Variants in TRIP12 observed in about 807,000 individuals in gnomAD.
TRIP12 encodes the protein E3 ubiquitin-protein ligase TRIP12.
A neutral mutation model predicts 244.2 loss-of-function variants in TRIP12; 25 were observed. That is an observed-to-expected ratio of 0.10 (90% CI 0.07 to 0.14). TRIP12 has a LOEUF of 0.14. Ranked by LOEUF, TRIP12 falls within the 10% of genes least tolerant of loss-of-function variation. The pLI, the probability that TRIP12 is intolerant of heterozygous loss-of-function variation, is 1.00. For synonymous variants in TRIP12, 905 were observed against 873.1 expected (o/e 1.04, Z -0.64); for missense variants, 1,677 against 2,486.4 (o/e 0.67, Z 6.92).
In TRIP12 at chr2:229,767,955, T is replaced by C. The variant is rs143865990; in HGVS notation, c.6008-205A>G. The stretch of plus-strand genomic sequence containing the variant: ...CGCTGTATAACATGGAGGCAACAGT[T>C]CTTTATGTCTTCTGATTTTTAAAAT... On this transcript the variant is annotated intron_variant, in intron 41 of 41. Transcript: ENST00000675903. Among the ~76,000 whole-genome samples the C allele has an allele frequency of 4.3e-4, 66 of 152,334 alleles. 1 individual carries two copies. Among genetic ancestry groups the C allele is most frequent in the Non-Finnish European group, 6.5e-4 (44 of 68,024 alleles).
At chr2:229,830,652 T>C (rs1160623023) in intron 7 of TRIP12, 104 bp downstream of exon 7, 1 of 1,196,044 alleles carries the variant, frequency 8.4e-7, no homozygotes, top group African/African-American at 1.5e-5. Flanking sequence ...CAGGCACTGC[T>C]AGATTATGGT....
rs1379374866 is a variant in TRIP12, at chr2:229,795,195, T to C, written c.3952A>G (p.Asn1318Asp). Residue 1318 changes from asparagine (N) to aspartate (D), a missense_variant, in exon 26 of 42, where the codon AAT (asparagine) becomes GAT (aspartate). Asn to Asp is a conservative substitution (Grantham distance 23). Transcript: ENST00000675903. ...PVKVHDFPSG[N>D]GTGGSFSLNR... ...GGTCCTTACCTGCCTCCTGTCCCAT[T>C]TCCACTAGGGAAATCATGTACTTTG... The C allele has an allele frequency of 3.1e-6, 5 of 1,613,770 alleles. No individual in the cohort carries two copies. Among genetic ancestry groups the C allele is most frequent in the Non-Finnish European group, 4.2e-6 (5 of 1,179,866 alleles).
Position 229,767,650 on chromosome 2 carries a change from G to A in TRIP12, c.6108C>T (p.Asn2036=), listed in dbSNP as rs1290860155. Residue 2036 remains asparagine, a synonymous_variant, in exon 42 of 42, where the codon AAC becomes AAT. Coordinates refer to ENST00000675903, the MANE Select transcript of TRIP12 (RefSeq NM_001348323.3). ...TTGAATAGTCCGGCAACTTAAGATA[G>A]TTCACACAAGTCATTACAGAGGGCA... ...DFLPSVMTCV[N]YLKLPDYSSI... is the part of the protein sequence containing the mutation. The A allele has an allele frequency of 6.2e-7, 1 of 1,614,138 alleles. No homozygotes were observed. The highest frequency in any genetic ancestry group is 8.5e-7 in the Non-Finnish European group (1 of 1,180,026).
intron 23 of TRIP12, among the ~76,000 whole-genome samples, chr2:229,798,634 TATAA>T (rs2043417715): frequency 6.6e-6 from 1 of 152,196 alleles, no homozygotes; most frequent in Non-Finnish European, 1.5e-5. Context: ...GTTTTGAACG[TATAA>T]GACTTTCAGC....
chr2:229,905,684 A>G (rs1216069226), intron 1 of TRIP12, among the ~76,000 whole-genome samples: 1 of 152,208 alleles, frequency 6.6e-6, no homozygotes, highest in Non-Finnish European at 1.5e-5. Flanking sequence ...TTTACCCTGA[A>G]CTTAAGGTAC....
In TRIP12 at chr2:229,767,494, A is replaced by G; in HGVS notation, c.*60T>C. The G allele has an allele frequency of 6.6e-7, 1 of 1,522,942 alleles. No individual in the cohort carries two copies. The highest frequency in any genetic ancestry group is 2.2e-5 in the Admixed American group (1 of 46,282). 94.3% of individuals were successfully genotyped at this position (1,522,942 alleles called of 1,614,324 possible). A position where few individuals can be genotyped will look rare whatever the true frequency, so the allele number is the denominator to read the frequency against. On this transcript the variant is annotated 3_prime_UTR_variant, in exon 42 of 42. Transcript: ENST00000675903. The stretch of plus-strand genomic sequence containing the variant: ...CCTTGACTCAGGTGATAACATTAGA[A>G]AAGAAATCATGATTTGTTTCTTTTG...
intron 2 of TRIP12, among the ~76,000 whole-genome samples, chr2:229,868,773 G>C (rs577323427): frequency 3.3e-5 from 5 of 152,334 alleles, no homozygotes; most frequent in African/African-American, 1.2e-4. Context: ...CACTAAGTAG[G>C]CTTTAGGGAA....
At chr2:229,767,849 G>GAAAGA in intron 41 of TRIP12, 99 bp from the exon 42 acceptor site, 1 of 1,197,090 alleles carries the variant, frequency 8.4e-7, no homozygotes, top group Non-Finnish European at 1.1e-6. Context: ...TTACACACAA[G>GAAAGA]ATATTCTTTC....
At chr2:229,859,668 C>T (rs908693073) in intron 3 of TRIP12, 94 bp from the exon 4 acceptor site, 2 of 1,333,958 alleles carry the variant, frequency 1.5e-6, no homozygotes, top group Admixed American at 4.6e-5. Flanking sequence ...TGAATATGTT[C>T]CTACTAAGTC....
chr2:229,769,096 T>C, intron 40 of TRIP12, 135 bp downstream of exon 40: 1 of 685,870 alleles, frequency 1.5e-6, no homozygotes, highest in East Asian at 3.0e-5. Context: ...TAAGCATCCA[T>C]TAACAGGTAG....
At chr2:229,816,113 T>C (rs768362947) in intron 9 of TRIP12, among the ~76,000 whole-genome samples, 3 of 152,154 alleles carry the variant, frequency 2.0e-5, no homozygotes, top group Non-Finnish European at 4.4e-5. Context: ...ATGCACTGAA[T>C]TGAAGCTTGT....
intron 4 of TRIP12, among the ~76,000 whole-genome samples, chr2:229,849,321 G>A (rs572816346): frequency 4.2e-4 from 64 of 152,278 alleles, no homozygotes; most frequent in African/African-American, 1.3e-3. Context: ...TAAACCCTGC[G>A]TGCTGATCAT....
intron 17 of TRIP12, 27 bp downstream of exon 17, chr2:229,807,681 A>G: frequency 6.2e-7 from 1 of 1,614,046 alleles, no homozygotes; most frequent in Non-Finnish European, 8.5e-7. Context: ...AAATAGACAC[A>G]TTTAAACGGT....
Position 229,767,483 on chromosome 2 carries a change from A to T in TRIP12, c.*71T>A. On this transcript the variant is annotated 3_prime_UTR_variant, in exon 42 of 42. Transcript: ENST00000675903. ...GTAACATGTTTCCTTGACTCAGGTGATAACATTAGAAAAGAAATCATGATT... is the reference window on the plus strand; with the variant it reads ...GTAACATGTTTCCTTGACTCAGGTGTTAACATTAGAAAAGAAATCATGATT... The T allele has an allele frequency of 3.3e-6, 5 of 1,501,080 alleles. No homozygotes were observed. The highest frequency in any genetic ancestry group is 4.5e-6 in the Non-Finnish European group (5 of 1,122,462). The allele number at this position is 1,501,080 out of a possible 1,614,324, so 93.0% of individuals were successfully genotyped here. A position where few individuals can be genotyped will look rare whatever the true frequency, so the allele number is the denominator to read the frequency against.
intron 4 of TRIP12, among the ~76,000 whole-genome samples, chr2:229,849,544 T>C (rs899933649): frequency 6.6e-6 from 1 of 152,016 alleles, no homozygotes; most frequent in South Asian, 2.1e-4. Flanking sequence ...AAGGGCAAAG[T>C]GGCAGAAAGA....
intron 2 of TRIP12, among the ~76,000 whole-genome samples, 174 bp downstream of exon 2, chr2:229,879,808 G>A (rs1476705980): frequency 3.3e-5 from 5 of 152,288 alleles, no homozygotes; most frequent in Middle Eastern, 3.4e-3. Context: ...GCATATCTGG[G>A]GAAAAATTTA....
chr2:229,817,900 A>G (rs556291498), intron 9 of TRIP12, among the ~76,000 whole-genome samples: 11 of 152,254 alleles, frequency 7.2e-5, no homozygotes, highest in African/African-American at 2.6e-4. Context: ...TGGCCAACAT[A>G]AAAGCTTTTA....
Position 229,815,161 on chromosome 2 carries a change from T to C in TRIP12, c.1669A>G (p.Met557Val). 6.2e-7 allele frequency: 1 copy of C among 1,613,210 alleles called. No individual in the cohort carries two copies. The highest frequency in any genetic ancestry group is 8.5e-7 in the Non-Finnish European group (1 of 1,179,650). The change falls in exon 11 of 42, where the codon ATG (methionine) becomes GTG (valine). Residue 557 changes from methionine to valine, a missense_variant. This residue lies in a region of TRIP12 where 572 missense variants were observed against 867.8 expected (regional missense o/e 0.66). Transcript: ENST00000675903. ...NHACRALTYM[M>V]EALPRSSAVV... ...GCAGAAGATCGAGGAAGTGCTTCCA[T>C]CATGTATGTTAAGGCTCGACAAGCA...
Position 229,841,075 on chromosome 2 carries a change from C to A in TRIP12, c.1028-148G>T, listed in dbSNP as rs569956909. ...AGTATTACTAGCTTTATTTCCACAGCCTATTCATAATGAAAAAGCTAATGG... is the reference window on the plus strand; with the variant it reads ...AGTATTACTAGCTTTATTTCCACAGACTATTCATAATGAAAAAGCTAATGG... On this transcript the variant is annotated intron_variant, in intron 4 of 41. Coordinates refer to ENST00000675903, the MANE Select transcript of TRIP12 (RefSeq NM_001348323.3). 182 of 615,706 alleles carry A rather than the reference C, an allele frequency of 3.0e-4. 1 individual carries two copies. Among genetic ancestry groups the A allele is most frequent in the Middle Eastern group, 1.3e-3 (3 of 2,240 alleles). 38.1% of individuals were successfully genotyped at this position (615,706 alleles called of 1,614,324 possible).
Sources: allele counts gnomAD v4.1 joint callset (sites outside exome capture counted in the v4.1 genomes callset), GRCh38; gene constraint gnomAD v4.1.1; regional missense constraint gnomAD v4.1.1; transcripts MANE v1.5; gene names NCBI Gene and HGNC (gene_info 2026-07-23, HGNC 2026-07-21).